PLAC1: variants seen among roughly 807,000 people sequenced by gnomAD.
PLAC1 encodes the protein placenta associated 1.
For missense variants in PLAC1, 136 were observed against 163.2 expected (o/e 0.83, Z 0.91); for synonymous variants, 68 against 62.1 (o/e 1.09, Z -0.44).
At chrX:134,667,275 C>T (rs1490563869) in intron 2 of PLAC1, among the ~76,000 whole-genome samples, 1 of 112,112 alleles carries the variant, frequency 8.9e-6, no homozygotes, top group Non-Finnish European at 1.9e-5. Flanking sequence ...AATTACATAT[C>T]TCATAAGAGA....
intron 2 of PLAC1, among the ~76,000 whole-genome samples, chrX:134,585,217 G>A (rs1269419030): frequency 2.0e-5 from 2 of 98,515 alleles, no homozygotes; most frequent in Admixed American, 1.1e-4. Flanking sequence ...ATGGTGGCAC[G>A]CGCCTGTAGC....
At chrX:134,696,301 G>A (rs758253732) in intron 2 of PLAC1, among the ~76,000 whole-genome samples, 2 of 111,420 alleles carry the variant, frequency 1.8e-5, no homozygotes, top group Non-Finnish European at 3.8e-5. Context: ...TCCCATACTG[G>A]AGAAATCTAA....
chrX:134,620,004 A>C (rs1286989712), intron 1 of PLAC1, among the ~76,000 whole-genome samples: 1 of 112,266 alleles, frequency 8.9e-6, no homozygotes, highest in Non-Finnish European at 1.9e-5. Context: ...ACAGTGACTC[A>C]TCAGATAGGA....
At chrX:134,594,737 TTCTC>T (rs1241123768) in intron 2 of PLAC1, among the ~76,000 whole-genome samples, 2 of 110,322 alleles carry the variant, frequency 1.8e-5, no homozygotes, top group African/African-American at 3.3e-5. Flanking sequence ...AATTTGTTTC[TTCTC>T]TCTCTCTCTC....
At chrX:134,667,505 T>G (rs2078441095) in intron 2 of PLAC1, among the ~76,000 whole-genome samples, 1 of 111,935 alleles carries the variant, frequency 8.9e-6, no homozygotes, top group Non-Finnish European at 1.9e-5. Context: ...ATGGCTGTAA[T>G]AAAAAATACA....
At chrX:134,668,129 T>C (rs1267724104) in intron 2 of PLAC1, among the ~76,000 whole-genome samples, 2 of 112,037 alleles carry the variant, frequency 1.8e-5, no homozygotes, top group Admixed American at 1.9e-4. Flanking sequence ...AAATGTGGTA[T>C]AGTCATATTA....
chrX:134,667,146 T>G (rs2078439952), intron 2 of PLAC1, among the ~76,000 whole-genome samples: 1 of 112,323 alleles, frequency 8.9e-6, no homozygotes, highest in Non-Finnish European at 1.9e-5. Context: ...ATGGAAAAAG[T>G]ACATCTATTT....
At chrX:134,679,674 C>G (rs189009332) in intron 2 of PLAC1, among the ~76,000 whole-genome samples, 40 of 111,696 alleles carry the variant, frequency 3.6e-4, no homozygotes, top group African/African-American at 1.2e-3. Context: ...GTTGAGAAAC[C>G]CTGGTGTACA....
At chrX:134,705,114 C>G (rs1418309684) in intron 2 of PLAC1, among the ~76,000 whole-genome samples, 1 of 97,437 alleles carries the variant, frequency 1.0e-5, no homozygotes, top group Non-Finnish European at 2.0e-5. Context: ...GATATGATTG[C>G]CTATACAGAA....
intron 1 of PLAC1, among the ~76,000 whole-genome samples, chrX:134,656,601 T>C (rs1358745201): frequency 9.0e-6 from 1 of 111,601 alleles, no homozygotes; most frequent in Admixed American, 9.5e-5. Flanking sequence ...CTTTTCTTTT[T>C]TGAGATGCGG....
chrX:134,672,689 A>C (rs1294416113), intron 2 of PLAC1, among the ~76,000 whole-genome samples: 1 of 112,738 alleles, frequency 8.9e-6, no homozygotes, highest in Non-Finnish European at 1.9e-5. Context: ...TGTTACCCCA[A>C]AAGGGGGCTC....
intron 1 of PLAC1, among the ~76,000 whole-genome samples, chrX:134,634,796 T>C (rs1346283781): frequency 1.8e-5 from 2 of 112,475 alleles, no homozygotes; most frequent in Admixed American, 1.9e-4. Context: ...TGTTTCCTCT[T>C]CTTGGCTATT....
At chrX:134,611,231 A>C (rs754330480) in intron 1 of PLAC1, among the ~76,000 whole-genome samples, 57 of 111,101 alleles carry the variant, frequency 5.1e-4, no homozygotes, top group Admixed American at 1.1e-3. Context: ...ATGTTATTGA[A>C]TACATCTAGG....
chrX:134,636,899 C>T (rs185439257), intron 1 of PLAC1, among the ~76,000 whole-genome samples: 11 of 112,200 alleles, frequency 9.8e-5, no homozygotes, highest in East Asian at 2.8e-4. Flanking sequence ...CTCAGCCCCT[C>T]GACAAGAGGC....
chrX:134,744,057 G>A (rs1366740572), intron 1 of PLAC1, among the ~76,000 whole-genome samples: 1 of 111,747 alleles, frequency 8.9e-6, no homozygotes, highest in Non-Finnish European at 1.9e-5. Context: ...GCCGAGGCGG[G>A]TGGATCACCT....
At chrX:134,721,214 T>C (rs1252683320) in intron 2 of PLAC1, among the ~76,000 whole-genome samples, 1 of 112,424 alleles carries the variant, frequency 8.9e-6, no homozygotes, top group Non-Finnish European at 1.9e-5. Context: ...TCATTAGCCA[T>C]TAAGGAAAGG....
chrX:134,671,122 T>C (rs754564027), intron 2 of PLAC1, among the ~76,000 whole-genome samples: 1 of 112,050 alleles, frequency 8.9e-6, no homozygotes, highest in East Asian at 2.8e-4. Flanking sequence ...TGTTATAAGT[T>C]TTATAAACAG....
chrX:134,634,378 A>G (rs1004063619), intron 1 of PLAC1, among the ~76,000 whole-genome samples: 49 of 111,927 alleles, frequency 4.4e-4, no homozygotes, highest in African/African-American at 1.6e-3. Context: ...ATTACATTCC[A>G]TACAATTCAC....
chrX:134,600,639 A>G (rs1194332429), intron 2 of PLAC1, among the ~76,000 whole-genome samples: 1 of 109,978 alleles, frequency 9.1e-6, no homozygotes, highest in Non-Finnish European at 1.9e-5. Flanking sequence ...CAACAGAGTG[A>G]GACCCGATCT....
Sources: gnomAD v4.1 joint callset for allele counts (sites outside exome capture counted in the v4.1 genomes callset) on GRCh38, gnomAD v4.1.1 for gene constraint, MANE v1.5 for transcripts, NCBI Gene and HGNC (gene_info 2026-07-23, HGNC 2026-07-21) for gene names.